SPMIP3: variants seen among roughly 807,000 people sequenced by gnomAD.
The protein encoded by SPMIP3 is sperm microtubule inner protein 3.
chr1:244,365,926 C>T, the SPMIP3 span, among the ~76,000 whole-genome samples: 2,541 of 152,226 alleles, frequency 0.017, 60 homozygotes, highest in African/African-American at 0.057. Context: ...GGAGCTGTTT[C>T]GCTCTTTCTT....
chr1:244,360,179 C>A, the SPMIP3 span, among the ~76,000 whole-genome samples: 1 of 152,098 alleles, frequency 6.6e-6, no homozygotes, highest in African/African-American at 2.4e-5. Flanking sequence ...ATCATCTCAC[C>A]TCAGTTCAAA....
At chr1:244,356,735 A>T in the SPMIP3 span, among the ~76,000 whole-genome samples, 1 of 152,162 alleles carries the variant, frequency 6.6e-6, no homozygotes, top group East Asian at 1.9e-4. Flanking sequence ...ATATTCATAG[A>T]GATATTTAGC....
At chr1:244,375,341 T>A in the SPMIP3 span, 1 of 1,547,450 alleles carries the variant, frequency 6.5e-7, no homozygotes, top group Admixed American at 1.7e-5. Flanking sequence ...TAAGAATGGC[T>A]TTCTTCTCAC....
At chr1:244,387,053 C>A in the SPMIP3 span, among the ~76,000 whole-genome samples, 2 of 152,252 alleles carry the variant, frequency 1.3e-5, no homozygotes, top group African/African-American at 2.4e-5. Context: ...CCTGTAATCC[C>A]GCACTTTGGG....
chr1:244,359,302 G>A, the SPMIP3 span, among the ~76,000 whole-genome samples: 4 of 152,234 alleles, frequency 2.6e-5, no homozygotes, highest in East Asian at 3.9e-4. Context: ...TGCTTGCATC[G>A]CGTGGCAACC....
At chr1:244,380,123 CT>C in the SPMIP3 span, among the ~76,000 whole-genome samples, 125 of 115,530 alleles carry the variant, frequency 1.1e-3, no homozygotes, top group African/African-American at 1.1e-3. Context: ...CAGAGTTTTT[CT>C]TTTTTTTTTT....
the SPMIP3 span, among the ~76,000 whole-genome samples, chr1:244,378,986 T>C: frequency 6.6e-6 from 1 of 152,164 alleles, no homozygotes; most frequent in African/African-American, 2.4e-5. Context: ...TGGAGTGCAG[T>C]GGTGCGATCT....
the SPMIP3 span, among the ~76,000 whole-genome samples, chr1:244,355,310 G>C: frequency 6.6e-6 from 1 of 152,144 alleles, no homozygotes; most frequent in Non-Finnish European, 1.5e-5. Context: ...TTCTACCAGA[G>C]GGTAGTTGCT....
chr1:244,378,402 C>T, the SPMIP3 span: 1 of 1,481,690 alleles, frequency 6.7e-7, no homozygotes, highest in Non-Finnish European at 9.2e-7. Context: ...TGGATTCCAG[C>T]TGACGAGAAA....
At chr1:244,369,976 C>T in the SPMIP3 span, among the ~76,000 whole-genome samples, 1 of 152,150 alleles carries the variant, frequency 6.6e-6, no homozygotes, top group African/African-American at 2.4e-5. Context: ...ATGGGCACAG[C>T]TGCCAGCATT....
At chr1:244,378,467 A>G in the SPMIP3 span, 1 of 1,606,950 alleles carries the variant, frequency 6.2e-7, no homozygotes, top group East Asian at 2.2e-5. Context: ...TTCCATTTAG[A>G]CCGCTCATAG....
chr1:244,380,960 C>T, the SPMIP3 span, among the ~76,000 whole-genome samples: 324 of 151,636 alleles, frequency 2.1e-3, 1 homozygote, highest in African/African-American at 7.2e-3. Flanking sequence ...CTGGAGGCTC[C>T]GAGACGACTG....
chr1:244,374,800 G>A, the SPMIP3 span, among the ~76,000 whole-genome samples: 1 of 151,568 alleles, frequency 6.6e-6, no homozygotes, highest in African/African-American at 2.4e-5. Flanking sequence ...GTTTCACCAT[G>A]TTGGCCAGGT....
the SPMIP3 span, among the ~76,000 whole-genome samples, chr1:244,373,332 T>TTTTATATATATATA: frequency 2.7e-3 from 230 of 85,176 alleles, 32 homozygotes; most frequent in East Asian, 0.011. Context: ...CAAAAAAAAA[T>TTTTATATATATATA]TATATATATA....
the SPMIP3 span, among the ~76,000 whole-genome samples, chr1:244,378,857 G>A: frequency 6.6e-6 from 1 of 152,058 alleles, no homozygotes; most frequent in African/African-American, 2.4e-5. Flanking sequence ...CTTCAGGGAG[G>A]ATGGAAATGC....
the SPMIP3 span, among the ~76,000 whole-genome samples, chr1:244,364,113 C>CTTT: frequency 6.8e-6 from 1 of 148,030 alleles, no homozygotes; most frequent in African/African-American, 2.5e-5. Flanking sequence ...TTTGCTTTTT[C>CTTT]TTTTTTTTTT....
chr1:244,387,596 C>T, the SPMIP3 span, among the ~76,000 whole-genome samples: 1 of 152,298 alleles, frequency 6.6e-6, no homozygotes, highest in South Asian at 2.1e-4. Context: ...GGGCAATGTA[C>T]TTGTCACTCT....
At chr1:244,371,087 T>C in the SPMIP3 span, among the ~76,000 whole-genome samples, 98 of 152,240 alleles carry the variant, frequency 6.4e-4, no homozygotes, top group African/African-American at 2.3e-3. Flanking sequence ...CCTATAGATA[T>C]TGAATTTTGA....
chr1:244,367,874 C>G, the SPMIP3 span, among the ~76,000 whole-genome samples: 1 of 152,224 alleles, frequency 6.6e-6, no homozygotes, highest in Non-Finnish European at 1.5e-5. Flanking sequence ...TCAGGAAATA[C>G]TGGAGCCAAC....
Sources: gnomAD v4.1 joint callset for allele counts (sites outside exome capture counted in the v4.1 genomes callset) on GRCh38, gnomAD v4.1.1 for gene constraint, MANE v1.5 for transcripts, NCBI Gene and HGNC (gene_info 2026-07-23, HGNC 2026-07-21) for gene names.